Variants in APOH observed in about 807,000 individuals in gnomAD.
APOH encodes the protein beta-2-glycoprotein 1.
In APOH, 48 loss-of-function variants were observed where a neutral mutation model predicts 39.8. The observed-to-expected ratio is 1.21, with a 90% CI of 0.96 to 1.54. APOH has a LOEUF of 1.54. APOH is among the 40% of genes most tolerant of loss of function. The pLI is 0.00. For missense variants in APOH, 415 were observed against 421.2 expected (o/e 0.99, Z 0.13); for synonymous variants, 153 against 151.1 (o/e 1.01, Z -0.09).
At position 66,223,742 on chromosome 17, in the gene APOH, CA is replaced by C. The variant is rs373658444; in HGVS notation, c.370del (p.Cys124AlafsTer80). The C allele has an allele frequency of 4.2e-4, 678 of 1,614,206 alleles. 7 individuals are homozygous for C. The East Asian group carries it at 0.015, about 36-fold the overall frequency. ...FYLNGADSAK[C>X]TEEGKWSPEL... ...CGGGCTCCATTTTCCTTCCTCAGTG[CA>C]CTTGGCAGAATCAGCGCCATTCAGA... On this transcript the variant is annotated frameshift_variant, in exon 4 of 8. Coordinates refer to ENST00000205948, the MANE Select transcript of APOH (RefSeq NM_000042.3). LOFTEE classifies it high-confidence loss of function.
chr17:66,224,455 C>A (rs1598553344), intron 3 of APOH, among the ~76,000 whole-genome samples: 1 of 86,080 alleles, frequency 1.2e-5, no homozygotes, highest in Non-Finnish European at 2.0e-5. Context: ...GACTGAGCAA[C>A]AGAGGAAGAT....
intron 1 of APOH, among the ~76,000 whole-genome samples, 157 bp from the exon 2 acceptor site, chr17:66,228,353 C>G (rs1443324537): frequency 2.6e-5 from 4 of 152,206 alleles, no homozygotes; most frequent in South Asian, 4.1e-4. Context: ...CTAATCCCCT[C>G]AACAACCATT....
Position 66,225,738 on chromosome 17 carries a change from G to A in APOH, c.338+290C>T, listed in dbSNP as rs943178307. 2.6e-5 allele frequency among the ~76,000 whole-genome samples: 4 copies of A among 152,140 alleles called. No homozygotes were observed. The South Asian group carries it at 6.2e-4, about 24-fold the overall frequency. ...TAAAAACACAAAAAATTAGCCGGGCGTGGTGGCGGGCGCCAGTAGTCCCAG... is the reference window on the plus strand; with the variant it reads ...TAAAAACACAAAAAATTAGCCGGGCATGGTGGCGGGCGCCAGTAGTCCCAG... On this transcript the variant is annotated intron_variant, in intron 3 of 7. Coordinates refer to ENST00000205948, the MANE Select transcript of APOH (RefSeq NM_000042.3).
At chr17:66,225,744 G>T (rs8178910) in intron 3 of APOH, among the ~76,000 whole-genome samples, 3,974 of 152,226 alleles carry the variant, frequency 0.026, 176 homozygotes, top group African/African-American at 0.091. Context: ...GGGCGTGGTG[G>T]CGGGCGCCAG....
chr17:66,216,763 C>T (rs374104110), intron 6 of APOH, 25 bp downstream of exon 6: 3 of 1,538,382 alleles, frequency 2.0e-6, no homozygotes, highest in African/African-American at 1.4e-5. Context: ...AGAGATCTTA[C>T]AGGACCTCGC....
intron 2 of APOH, among the ~76,000 whole-genome samples, chr17:66,226,999 C>A (rs544021163): frequency 1.3e-5 from 2 of 152,184 alleles, no homozygotes; most frequent in East Asian, 3.9e-4. Flanking sequence ...TCTCCTGCCT[C>A]AGCCTCCTGA....
rs943436527 is a variant in APOH at position 66,213,446 on chromosome 17, T to C, written c.982+1007A>G. ...TTGAGAAAGGGGAAATGTTAGATCT[T>C]TAGACCAATTATCATTGCCATGAGT... On this transcript the variant is annotated intron_variant, in intron 7 of 7. Transcript: ENST00000205948. Among the ~76,000 whole-genome samples the C allele has an allele frequency of 1.2e-4, 18 of 152,358 alleles. No individual in the cohort carries two copies. In the South Asian group the frequency reaches 3.5e-3, roughly 30 times the overall value.
chr17:66,212,326 G>A, intron 7 of APOH, 138 bp from the exon 8 acceptor site: 1 of 650,274 alleles, frequency 1.5e-6, no homozygotes, highest in Non-Finnish European at 2.7e-6. Flanking sequence ...TTTAGTGTGA[G>A]GTTTAAGTGA....
chr17:66,221,300 G>C (rs1157972376), intron 4 of APOH, among the ~76,000 whole-genome samples: 1 of 93,410 alleles, frequency 1.1e-5, no homozygotes, highest in Non-Finnish European at 2.4e-5. Context: ...GAAGTCAGAA[G>C]GGAGGGAGGG....
At chr17:66,215,894 T>C (rs2073362047) in intron 6 of APOH, among the ~76,000 whole-genome samples, 1 of 152,210 alleles carries the variant, frequency 6.6e-6, no homozygotes, top group Non-Finnish European at 1.5e-5. Flanking sequence ...AGTTCCAATC[T>C]TCAGGAGTAT....
chr17:66,217,221 C>A (rs932044033), intron 5 of APOH, among the ~76,000 whole-genome samples: 1 of 152,042 alleles, frequency 6.6e-6, no homozygotes, highest in Admixed American at 6.6e-5. Flanking sequence ...TGGGTTTTCA[C>A]ATATAATCAT....
intron 7 of APOH, among the ~76,000 whole-genome samples, chr17:66,213,079 C>T (rs1467430796): frequency 1.3e-5 from 2 of 152,164 alleles, no homozygotes; most frequent in Admixed American, 1.3e-4. Context: ...AATCAGTTAT[C>T]ATTCCCTTCT....
chr17:66,218,082 C>T (rs1053929215), intron 5 of APOH, among the ~76,000 whole-genome samples: 16 of 152,174 alleles, frequency 1.1e-4, no homozygotes, highest in African/African-American at 3.6e-4. Flanking sequence ...TTTTCAGCCT[C>T]CAATGTCATA....
chr17:66,213,179 C>A (rs889163268), intron 7 of APOH, among the ~76,000 whole-genome samples: 6 of 152,314 alleles, frequency 3.9e-5, no homozygotes, highest in Admixed American at 3.9e-4. Flanking sequence ...ACAAGATTGT[C>A]AATGTTTTTG....
At chr17:66,220,478 T>G (rs929732884) in intron 5 of APOH, 76 bp downstream of exon 5, 2 of 1,404,956 alleles carry the variant, frequency 1.4e-6, no homozygotes, top group African/African-American at 1.4e-5. Context: ...CACTCCATGA[T>G]AGTCAGAATT....
At chr17:66,226,349 T>G (rs947165939) in intron 2 of APOH, among the ~76,000 whole-genome samples, 35 of 152,152 alleles carry the variant, frequency 2.3e-4, no homozygotes, top group African/African-American at 8.2e-4. Flanking sequence ...ATAACAGAAT[T>G]TGGACAGGCG....
intron 1 of APOH, among the ~76,000 whole-genome samples, chr17:66,228,416 A>C (rs1436389131): frequency 2.6e-5 from 4 of 152,178 alleles, no homozygotes; most frequent in African/African-American, 9.7e-5. Context: ...GCTGAGGCTT[A>C]AATTGGCTAC....
At chr17:66,225,999 T>C in intron 3 of APOH, 29 bp downstream of exon 3, 1 of 1,513,112 alleles carries the variant, frequency 6.6e-7, no homozygotes, top group Non-Finnish European at 9.2e-7. Flanking sequence ...CTCAGTCTGT[T>C]AACTGCTTAG....
chr17:66,225,896 A>C, intron 3 of APOH, 132 bp downstream of exon 3: 1 of 556,624 alleles, frequency 1.8e-6, no homozygotes, highest in Non-Finnish European at 3.1e-6. Flanking sequence ...AAAAAGCAGG[A>C]CTAAAATCGA....
Sources: gnomAD v4.1 joint callset for allele counts (sites outside exome capture counted in the v4.1 genomes callset) on GRCh38, gnomAD v4.1.1 for gene constraint, MANE v1.5 for transcripts, NCBI Gene and HGNC (gene_info 2026-07-23, HGNC 2026-07-21) for gene names.